Variants in FTO observed in about 807,000 individuals in gnomAD.
FTO encodes the protein FTO alpha-ketoglutarate dependent dioxygenase.
Under a neutral mutation model 63.9 loss-of-function variants are expected in FTO, and 47 were observed. The ratio of observed to expected loss-of-function variants is 0.74; its 90% CI spans 0.58 to 0.94. The LOEUF (loss-of-function observed/expected upper bound fraction) is 0.94, where lower values mean the gene tolerates loss of function less well. Among genes scored for constraint, FTO ranks in the 40% least tolerant of loss-of-function variants. The pLI is 0.00. For missense variants in FTO, 562 were observed against 618.1 expected (o/e 0.91, Z 0.96); for synonymous variants, 207 against 224.4 (o/e 0.92, Z 0.69).
At position 53,908,445 on chromosome 16, in the gene FTO, T is replaced by A. The variant is rs73609319; in HGVS notation, c.1239+19494T>A. ...TCTTCCAAATATTATTGACCTCAGA[T>A]GTTAAGAAAGGTCCAGGTTCCTGGG... On this transcript the variant is annotated intron_variant, in intron 7 of 8. Transcript: ENST00000471389. 3.3e-3 allele frequency among the ~76,000 whole-genome samples: 501 copies of A among 152,314 alleles called. 3 individuals carry two copies. Among genetic ancestry groups the A allele is most frequent in the African/African-American group, 0.012 (479 of 41,576 alleles).
intron 2 of FTO, among the ~76,000 whole-genome samples, chr16:53,824,085 A>G (rs1297778477): frequency 6.6e-6 from 1 of 152,114 alleles, no homozygotes; most frequent in East Asian, 1.9e-4. Flanking sequence ...CCTCTTTCCA[A>G]TCTGTGCCTG....
At chr16:53,903,608 A>G (rs1300235245) in intron 7 of FTO, among the ~76,000 whole-genome samples, 1 of 152,210 alleles carries the variant, frequency 6.6e-6, no homozygotes, top group African/African-American at 2.4e-5. Flanking sequence ...CCCCACATGG[A>G]TAACACTATG....
intron 7 of FTO, among the ~76,000 whole-genome samples, chr16:53,897,790 C>T (rs544172153): frequency 2.0e-4 from 30 of 152,250 alleles, no homozygotes; most frequent in African/African-American, 7.2e-4. Flanking sequence ...CTCAAAGGTA[C>T]CAAATCCAAA....
At chr16:54,092,420 A>G (rs2086409209) in intron 8 of FTO, among the ~76,000 whole-genome samples, 1 of 152,212 alleles carries the variant, frequency 6.6e-6, no homozygotes, top group Non-Finnish European at 1.5e-5. Context: ...TTGCCTTTAA[A>G]CTGAGGGGGG....
rs1348775513 is a variant in FTO at position 53,949,589 on chromosome 16, A to G, written c.1364+15480A>G. ...CATTAAAATAAGCCAACATTTCCAA[A>G]GAAACACGAATGTCTATGGCAGAGT... On this transcript the variant is annotated intron_variant, in intron 8 of 8. Coordinates refer to ENST00000471389, the MANE Select transcript of FTO (RefSeq NM_001080432.3). Among the ~76,000 whole-genome samples, 3 of 152,172 alleles carry G rather than the reference A, an allele frequency of 2.0e-5. No individual in the cohort carries two copies. The East Asian group carries it at 5.8e-4, about 29-fold the overall frequency.
chr16:53,935,034 C>A (rs2082357743), intron 8 of FTO, among the ~76,000 whole-genome samples: 2 of 152,126 alleles, frequency 1.3e-5, no homozygotes, highest in South Asian at 4.1e-4. Flanking sequence ...TCATGTGGTC[C>A]TATTCTGTTT....
chr16:53,977,321 A>G (rs149840926), intron 8 of FTO, among the ~76,000 whole-genome samples: 39 of 152,212 alleles, frequency 2.6e-4, no homozygotes, highest in Non-Finnish European at 3.8e-4. Context: ...TCATCTTTCC[A>G]TTTCTGAAAT....
chr16:53,798,405 T>G (rs2078134760), intron 1 of FTO, among the ~76,000 whole-genome samples: 2 of 152,182 alleles, frequency 1.3e-5, no homozygotes, highest in South Asian at 4.1e-4. Flanking sequence ...TTATCGAGTC[T>G]TCCAGTCCAC....
At chr16:53,740,340 G>T (rs574465013) in intron 1 of FTO, among the ~76,000 whole-genome samples, 1 of 152,070 alleles carries the variant, frequency 6.6e-6, no homozygotes, top group Non-Finnish European at 1.5e-5. Context: ...CTGTTTTATC[G>T]TACTAAAAAT....
intron 1 of FTO, among the ~76,000 whole-genome samples, chr16:53,750,954 T>C (rs2076775083): frequency 6.6e-6 from 1 of 152,250 alleles, no homozygotes; most frequent in Admixed American, 6.5e-5. Context: ...TCCTCTGTGC[T>C]TGTGGGTGGT....
At chr16:53,967,043 C>T (rs1309652717) in intron 8 of FTO, among the ~76,000 whole-genome samples, 2 of 152,136 alleles carry the variant, frequency 1.3e-5, no homozygotes, top group African/African-American at 4.8e-5. Context: ...CTGGATGAGT[C>T]GGTCTTTGAT....
chr16:54,117,602 T>C lies in FTO; in HGVS notation c.*5687T>C, dbSNP rs1470732373. ...TGTGGCTTGTTCAAGAAGAATATTG[T>C]GTCACTATCCCATATATTATCCCAT... On this transcript the variant is annotated 3_prime_UTR_variant, in exon 9 of 9. Transcript: ENST00000471389. 6.6e-6 allele frequency: 1 copy of C among 152,248 alleles called. No individual in the cohort carries two copies. The highest frequency in any genetic ancestry group is 1.5e-5 in the Non-Finnish European group (1 of 68,046). The allele number at this position is 152,248 out of a possible 1,614,324, so 9.4% of individuals were successfully genotyped here.
intron 7 of FTO, among the ~76,000 whole-genome samples, chr16:53,917,311 G>C (rs1385356841): frequency 6.6e-6 from 1 of 152,218 alleles, no homozygotes; most frequent in Non-Finnish European, 1.5e-5. Context: ...GGAGGTAAGA[G>C]AGTGAACTCT....
intron 8 of FTO, among the ~76,000 whole-genome samples, chr16:53,945,268 A>G (rs894315939): frequency 3.3e-5 from 5 of 152,186 alleles, no homozygotes; most frequent in Admixed American, 6.5e-5. Context: ...CAATTGTACT[A>G]ATTTTAACAA....
intron 1 of FTO, among the ~76,000 whole-genome samples, chr16:53,763,020 T>C (rs929253651): frequency 6.6e-6 from 1 of 152,248 alleles, no homozygotes; most frequent in Non-Finnish European, 1.5e-5. Context: ...GCAATTTATT[T>C]ATTTTTTCAT....
intron 8 of FTO, among the ~76,000 whole-genome samples, chr16:54,093,990 T>C (rs1406900150): frequency 6.6e-6 from 1 of 152,130 alleles, no homozygotes; most frequent in Non-Finnish European, 1.5e-5. Flanking sequence ...AAAATGCTGT[T>C]GCTAAGGGCC....
At chr16:53,917,737 T>TGC (rs1171264374) in intron 7 of FTO, among the ~76,000 whole-genome samples, 6 of 151,234 alleles carry the variant, frequency 4.0e-5, no homozygotes, top group Non-Finnish European at 7.4e-5. Flanking sequence ...TGTGTGTGTG[T>TGC]GTGTGTCCAT....
chr16:53,735,695 T>C (rs1195226308), intron 1 of FTO, among the ~76,000 whole-genome samples: 1 of 152,222 alleles, frequency 6.6e-6, no homozygotes, highest in Non-Finnish European at 1.5e-5. Flanking sequence ...TAAATGGCAT[T>C]GTCTTTGAAG....
intron 8 of FTO, among the ~76,000 whole-genome samples, chr16:54,008,805 AAATAATAATAATAATAATAATAAT>A (rs142826263): frequency 0.094 from 13,312 of 140,940 alleles, 734 homozygotes; most frequent in South Asian, 0.19. Context: ...CTGTCTCCAC[AAATAATAATAATAATAATAATAAT>A]AATAATAATA....
Sources: allele counts gnomAD v4.1 joint callset (sites outside exome capture counted in the v4.1 genomes callset), GRCh38; gene constraint gnomAD v4.1.1; transcripts MANE v1.5; gene names NCBI Gene and HGNC (gene_info 2026-07-23, HGNC 2026-07-21).